EGF: variants seen among roughly 807,000 people sequenced by gnomAD.
EGF encodes the protein pro-epidermal growth factor.
In EGF, 95 loss-of-function variants were observed where a neutral mutation model predicts 143.8. That is an observed-to-expected ratio of 0.66 (90% CI 0.56 to 0.78). EGF has a LOEUF of 0.78. EGF is among the 30% of genes least tolerant of loss of function. EGF has a pLI of 0.00. For missense variants in EGF, 1,320 were observed against 1,470.9 expected (o/e 0.90, Z 1.68); for synonymous variants, 510 against 510.5 (o/e 1.00, Z 0.01).
At chr4:109,941,978 C>T (rs753270418) in intron 2 of EGF, among the ~76,000 whole-genome samples, 9 of 152,140 alleles carry the variant, frequency 5.9e-5, no homozygotes, top group Non-Finnish European at 1.2e-4. Context: ...ATGCAAAGTC[C>T]ACACTATTTT....
intron 1 of EGF, among the ~76,000 whole-genome samples, chr4:109,931,040 G>A (rs1345461165): frequency 6.6e-6 from 1 of 152,154 alleles, no homozygotes; most frequent in Non-Finnish European, 1.5e-5. Flanking sequence ...AAATGTTGTA[G>A]GTTTTGACAT....
At chr4:109,946,404 C>G (rs1421154160) in intron 5 of EGF, among the ~76,000 whole-genome samples, 1 of 152,202 alleles carries the variant, frequency 6.6e-6, no homozygotes, top group Non-Finnish European at 1.5e-5. Flanking sequence ...TATAACTCCT[C>G]AAACATGCTA....
chr4:109,994,767 C>A lies in EGF; in HGVS notation c.2892C>A (p.Asp964Glu). Residue 964 changes from aspartate to glutamate, a missense_variant, in exon 20 of 24, where the codon GAC (aspartate) becomes GAA (glutamate). Coordinates refer to ENST00000265171, the MANE Select transcript of EGF (RefSeq NM_001963.6). Reference protein sequence around the residue: ...STPPPHLREDDHHYSVRNSDS... With the variant: ...STPPPHLREDEHHYSVRNSDS... ...CACCCCCTCACCTCAGGGAAGATGACCACCACTATTCCGTAAGAAATAGTG... is the reference window on the plus strand; with the variant it reads ...CACCCCCTCACCTCAGGGAAGATGAACACCACTATTCCGTAAGAAATAGTG... The A allele has an allele frequency of 6.2e-7, 1 of 1,614,104 alleles. No homozygotes were observed. Among genetic ancestry groups the A allele is most frequent in the South Asian group, 1.1e-5 (1 of 91,080 alleles).
At chr4:109,972,385 C>T (rs1028064273) in intron 11 of EGF, among the ~76,000 whole-genome samples, 4 of 152,120 alleles carry the variant, frequency 2.6e-5, no homozygotes, top group Non-Finnish European at 4.4e-5. Flanking sequence ...ATGTCGTTCT[C>T]GTCTCATCAC....
rs1742606306 is a variant in EGF at position 109,945,077 on chromosome 4, A to G, written c.742A>G (p.Asn248Asp). Residue 248 changes from asparagine to aspartate, a missense_variant, in exon 5 of 24, where the codon AAT becomes GAT. Transcript: ENST00000265171. ...VHISKHPTQH[N>D]LFAMSLFGDR... Reference sequence around the variant, plus strand: ...TCTTTTGTGGTTGCTTTTTAGGCATAATTTGTTTGCAATGTCCCTTTTTGG... The same window carrying G: ...TCTTTTGTGGTTGCTTTTTAGGCATGATTTGTTTGCAATGTCCCTTTTTGG... 1 of 1,614,134 alleles carries G rather than the reference A, an allele frequency of 6.2e-7. No homozygotes were observed. The highest frequency in any genetic ancestry group is 2.2e-5 in the East Asian group (1 of 44,890).
At chr4:109,952,652 G>A (rs1472438298) in intron 5 of EGF, among the ~76,000 whole-genome samples, 3 of 151,930 alleles carry the variant, frequency 2.0e-5, no homozygotes, top group African/African-American at 4.8e-5. Context: ...TATTCTTCAC[G>A]GAAATATTAG....
intron 11 of EGF, 150 bp downstream of exon 11, chr4:109,969,269 C>A (rs1747182995): frequency 2.1e-6 from 2 of 959,332 alleles, no homozygotes; most frequent in African/African-American, 1.6e-5. Context: ...GCGGTCCACA[C>A]TCCCTCCACT....
intron 21 of EGF, among the ~76,000 whole-genome samples, chr4:110,003,061 T>A (rs186697248): frequency 1.3e-5 from 2 of 152,326 alleles, no homozygotes; most frequent in African/African-American, 4.8e-5. Context: ...ATCCAGTCTG[T>A]CATTGATGGG....
chr4:110,012,709 C>T lies in EGF; in HGVS notation c.*1254C>T, dbSNP rs1242670198. 6.6e-6 allele frequency among the ~76,000 whole-genome samples: 1 copy of T among 152,046 alleles called. No homozygotes were observed. The highest frequency in any genetic ancestry group is 1.5e-5 in the Non-Finnish European group (1 of 68,010). On this transcript the variant is annotated 3_prime_UTR_variant, in exon 24 of 24. Transcript: ENST00000265171. ...TATAGGCATTAGCCATGGTGCCCAG[C>T]CTTGTAACTTTTAAAAAAATTTTTT... is the stretch of plus-strand genomic sequence containing the variant.
At chr4:109,993,502 T>C in intron 19 of EGF, 133 bp downstream of exon 19, 1 of 1,262,028 alleles carries the variant, frequency 7.9e-7, no homozygotes, top group Non-Finnish European at 1.1e-6. Context: ...CTTTCCTGAT[T>C]AGGACGATGC....
intron 1 of EGF, among the ~76,000 whole-genome samples, chr4:109,917,587 C>A (rs1288384582): frequency 6.6e-6 from 1 of 151,650 alleles, no homozygotes; most frequent in African/African-American, 2.4e-5. Flanking sequence ...GAGGTTTGGG[C>A]TTCTATTGAT....
intron 1 of EGF, among the ~76,000 whole-genome samples, chr4:109,932,524 G>A (rs1331969435): frequency 5.3e-5 from 8 of 150,516 alleles, no homozygotes; most frequent in South Asian, 2.1e-4. Flanking sequence ...GACTACAGGC[G>A]CTCGCCACCA....
intron 22 of EGF, 66 bp downstream of exon 22, chr4:110,004,688 T>C: frequency 6.9e-7 from 1 of 1,449,452 alleles, no homozygotes; most frequent in Non-Finnish European, 9.7e-7. Context: ...ATTTTTTCTA[T>C]TTTTTCACTG....
chr4:109,929,573 G>A (rs1406908953), intron 1 of EGF, among the ~76,000 whole-genome samples: 1 of 152,166 alleles, frequency 6.6e-6, no homozygotes, highest in Non-Finnish European at 1.5e-5. Context: ...CTGAGGACCT[G>A]GAAAGTAAGC....
In EGF at chr4:109,945,353, G is replaced by A. The variant is rs1050476980; in HGVS notation, c.940+78G>A. 38 of 1,445,948 alleles carry A rather than the reference G, an allele frequency of 2.6e-5. No individual in the cohort carries two copies. The African/African-American group carries it at 2.8e-4, about 11-fold the overall frequency. 89.6% of individuals were successfully genotyped at this position (1,445,948 alleles called of 1,614,324 possible). On this transcript the variant is annotated intron_variant, in intron 5 of 23. Transcript: ENST00000265171. ...ACCTGCTTGAGCCAGACAATGAGGCGTTGTAGGGGAAAAAAAATTTTTTTC... is the reference window on the plus strand; with the variant it reads ...ACCTGCTTGAGCCAGACAATGAGGCATTGTAGGGGAAAAAAAATTTTTTTC...
At chr4:109,998,794 T>C (rs748049683) in intron 20 of EGF, among the ~76,000 whole-genome samples, 3 of 152,212 alleles carry the variant, frequency 2.0e-5, no homozygotes, top group Non-Finnish European at 4.4e-5. Flanking sequence ...AGTGGGGACA[T>C]GGATGAATAA....
chr4:110,007,247 T>C (rs1753422631), intron 22 of EGF, among the ~76,000 whole-genome samples: 1 of 152,224 alleles, frequency 6.6e-6, no homozygotes, highest in South Asian at 2.1e-4. Context: ...AAGGAAAATA[T>C]GGGCAAAGAG....
intron 1 of EGF, among the ~76,000 whole-genome samples, chr4:109,919,463 G>A (rs1410971123): frequency 6.6e-6 from 1 of 152,016 alleles, no homozygotes; most frequent in Non-Finnish European, 1.5e-5. Flanking sequence ...TGGCTTGATG[G>A]ACATAAGTCA....
Position 109,945,579 on chromosome 4 carries a change from C to T in EGF, c.940+304C>T, listed in dbSNP as rs561493112. Reference sequence around the variant, plus strand: ...TAACAAGGCTCGGTCTCTACAAAAACGAAAGAAAGAAAGAAAGAAAAACAA... The same window carrying T: ...TAACAAGGCTCGGTCTCTACAAAAATGAAAGAAAGAAAGAAAGAAAAACAA... On this transcript the variant is annotated intron_variant, in intron 5 of 23. Coordinates refer to ENST00000265171, the MANE Select transcript of EGF (RefSeq NM_001963.6). 6.0e-5 allele frequency among the ~76,000 whole-genome samples: 9 copies of T among 151,052 alleles called. No individual in the cohort carries two copies. In the East Asian group the frequency reaches 1.2e-3, roughly 20 times the overall value.
Sources: allele counts gnomAD v4.1 joint callset (sites outside exome capture counted in the v4.1 genomes callset), GRCh38; gene constraint gnomAD v4.1.1; transcripts MANE v1.5; gene names NCBI Gene and HGNC (gene_info 2026-07-23, HGNC 2026-07-21).